Variants in ATP13A4 observed in about 807,000 individuals in gnomAD.
ATP13A4 encodes probable cation-transporting ATPase 13A4.
ATP13A4 carries 114 observed loss-of-function variants against 142.5 expected under a neutral mutation model. The observed-to-expected ratio is 0.80, with a 90% CI of 0.69 to 0.93. ATP13A4 has a LOEUF of 0.93. Ranked by LOEUF, ATP13A4 falls within the 40% of genes least tolerant of loss-of-function variation. The probability of loss-of-function intolerance (pLI) is 0.00; values close to 1 mark genes in which losing one functional copy is unlikely to be tolerated. For synonymous variants in ATP13A4, 488 were observed against 514.8 expected, an observed-to-expected ratio of 0.95 and a Z score of 0.70; for missense variants, 1,392 against 1,454.0, an observed-to-expected ratio of 0.96 and a Z score of 0.69.
intron 8 of ATP13A4, among the ~76,000 whole-genome samples, chr3:193,473,343 A>T (rs553935800): frequency 6.6e-6 from 1 of 152,358 alleles, no homozygotes; most frequent in South Asian, 2.1e-4. Flanking sequence ...CAGTAAATGA[A>T]TAAATAAATA....
intron 1 of ATP13A4, among the ~76,000 whole-genome samples, chr3:193,587,746 T>C (rs918295477): frequency 4.4e-4 from 67 of 152,216 alleles, no homozygotes; most frequent in African/African-American, 1.6e-3. Flanking sequence ...TTCTTGTTCT[T>C]GCATTATTGC....
chr3:193,403,441 T>C (rs1714346351), intron 29 of ATP13A4, among the ~76,000 whole-genome samples: 1 of 152,182 alleles, frequency 6.6e-6, no homozygotes, highest in Non-Finnish European at 1.5e-5. Context: ...GTGATTAGAA[T>C]AATCCCTTCC....
In ATP13A4 at chr3:193,484,853, T is replaced by C. The variant is rs938575966; in HGVS notation, c.739-848A>G. Reference sequence around the variant, plus strand: ...TAGGTTTTAATCAAGTAACTACATATATAAATGTATAATGACAATCAGGAA... The same window carrying C: ...TAGGTTTTAATCAAGTAACTACATACATAAATGTATAATGACAATCAGGAA... On this transcript the variant is annotated intron_variant, in intron 7 of 29. Transcript: ENST00000342695. 5.3e-5 allele frequency among the ~76,000 whole-genome samples: 8 copies of C among 152,164 alleles called. No individual in the cohort carries two copies. In the South Asian group the frequency reaches 6.2e-4, roughly 12 times the overall value.
chr3:193,585,986 G>A (rs967070812), intron 1 of ATP13A4, among the ~76,000 whole-genome samples: 4 of 151,838 alleles, frequency 2.6e-5, no homozygotes, highest in Non-Finnish European at 4.4e-5. Context: ...CCACATCCTC[G>A]ACAAAATTTT....
At chr3:193,525,676 T>G (rs1721958284) in intron 1 of ATP13A4, among the ~76,000 whole-genome samples, 1 of 152,178 alleles carries the variant, frequency 6.6e-6, no homozygotes, top group African/African-American at 2.4e-5. Context: ...GACACTGGGT[T>G]GAAGCCCAGA....
rs75093317 is a variant in ATP13A4, at chr3:193,401,920, G to A, written c.*732C>T. ...GGGTGAGGCAGTGAAGAGCCCACAC[G>A]TGATCTCCAGTCTATTCCTTCCCCC... On this transcript the variant is annotated 3_prime_UTR_variant, in exon 30 of 30. Coordinates refer to ENST00000342695, the MANE Select transcript of ATP13A4 (RefSeq NM_032279.4). 3.3e-5 allele frequency among the ~76,000 whole-genome samples: 5 copies of A among 152,108 alleles called. No individual in the cohort carries two copies. The highest frequency in any genetic ancestry group is 1.9e-4 in the East Asian group (1 of 5,148).
chr3:193,590,242 G>A (rs553544199), intron 1 of ATP13A4, among the ~76,000 whole-genome samples: 1 of 152,308 alleles, frequency 6.6e-6, no homozygotes, highest in South Asian at 2.1e-4. Flanking sequence ...GCAAGGGGTA[G>A]GGAATGGATG....
chr3:193,462,269 T>C (rs540892074), intron 13 of ATP13A4, among the ~76,000 whole-genome samples: 5 of 148,536 alleles, frequency 3.4e-5, no homozygotes, highest in East Asian at 2.0e-4. Context: ...AGCCAGAAAG[T>C]AGAGTTCTCA....
chr3:193,465,057 A>G lies in ATP13A4; in HGVS notation c.1344T>C (p.Ala448=). The change falls in exon 12 of 30, where the codon GCT becomes GCC. Residue 448 remains alanine (A), a synonymous_variant. Coordinates refer to ENST00000342695, the MANE Select transcript of ATP13A4 (RefSeq NM_032279.4). ...CATAGATAATGCCTGTGGTCAGAGC[A>G]GCAGGTAGAGCCGGAGGAACCGCAA... ...ITIAVPPALP[A]ALTTGIIYAQ... is the part of the protein sequence containing the mutation. 3.1e-6 allele frequency: 5 copies of G among 1,614,160 alleles called. No individual in the cohort carries two copies. Among genetic ancestry groups the G allele is most frequent in the Non-Finnish European group, 4.2e-6 (5 of 1,180,012 alleles).
At chr3:193,555,961 CAT>C (rs1723870587), upstream of ATP13A4, among the ~76,000 whole-genome samples, 1 of 152,150 alleles carries the variant, frequency 6.6e-6, no homozygotes, top group Non-Finnish European at 1.5e-5. Flanking sequence ...TGTGAAAGTA[CAT>C]TGTACAGCAC....
chr3:193,531,388 G>A (rs995256413), intron 1 of ATP13A4, among the ~76,000 whole-genome samples: 2 of 144,818 alleles, frequency 1.4e-5, no homozygotes, highest in Non-Finnish European at 3.1e-5. Flanking sequence ...GAAGGAGGAG[G>A]TAGGGAGGGA....
At chr3:193,551,445 T>C (rs1723558488) in intron 1 of ATP13A4, among the ~76,000 whole-genome samples, 1 of 152,152 alleles carries the variant, frequency 6.6e-6, no homozygotes, top group Non-Finnish European at 1.5e-5. Context: ...ATATTCCTTT[T>C]GGTATAACTG....
At chr3:193,572,016 G>T (rs1724276721) in intron 2 of ATP13A4, among the ~76,000 whole-genome samples, 1 of 152,138 alleles carries the variant, frequency 6.6e-6, no homozygotes, top group Non-Finnish European at 1.5e-5. Flanking sequence ...AGCCGCCCAA[G>T]CAGGCAGATG....
intron 13 of ATP13A4, among the ~76,000 whole-genome samples, chr3:193,461,298 C>T (rs982045846): frequency 3.9e-5 from 6 of 152,114 alleles, no homozygotes; most frequent in Non-Finnish European, 7.3e-5. Context: ...TACTGTGCAC[C>T]TACTATTTGT....
At chr3:193,443,281 C>T (rs1382851181) in intron 18 of ATP13A4, among the ~76,000 whole-genome samples, 1 of 152,116 alleles carries the variant, frequency 6.6e-6, no homozygotes, top group East Asian at 1.9e-4. Context: ...TACGTAAGTC[C>T]CAAGTTCAGC....
At chr3:193,419,447 T>C (rs938663297) in intron 25 of ATP13A4, among the ~76,000 whole-genome samples, 1 of 149,576 alleles carries the variant, frequency 6.7e-6, no homozygotes, top group Non-Finnish European at 1.5e-5. Flanking sequence ...TCTGGGAAAA[T>C]GGTACTTTGG....
intron 1 of ATP13A4, 87 bp from the exon 2 acceptor site, chr3:193,514,958 G>C (rs1048688913): frequency 1.4e-6 from 2 of 1,460,796 alleles, no homozygotes; most frequent in African/African-American, 1.4e-5. Flanking sequence ...ATGGAAATGG[G>C]GGCAGAGTGA....
upstream of ATP13A4, among the ~76,000 whole-genome samples, chr3:193,556,139 T>TC (rs1723878893): frequency 2.6e-5 from 4 of 152,172 alleles, no homozygotes; most frequent in African/African-American, 7.2e-5. Flanking sequence ...TTATACAAAC[T>TC]CCATTCTCCT....
rs546690816 is a variant in ATP13A4 at position 193,418,005 on chromosome 3, C to T, written c.2843-3255G>A. Among the ~76,000 whole-genome samples, 452 of 143,718 alleles carry T rather than the reference C, an allele frequency of 3.1e-3. 20 individuals are homozygous for T. The highest frequency in any genetic ancestry group is 0.011 in the African/African-American group (439 of 38,778). 94.3% of individuals were successfully genotyped at this position (143,718 alleles called of 152,430 possible). A position where few individuals can be genotyped will look rare whatever the true frequency, so the allele number is the denominator to read the frequency against. On this transcript the variant is annotated intron_variant, in intron 25 of 29. Coordinates refer to ENST00000342695, the MANE Select transcript of ATP13A4 (RefSeq NM_032279.4). ...GGCGTAGTGGCGGGCGCCTGTAGTCCCAGCTACTTGGGAGGCTGAGGCAGG... is the reference window on the plus strand; with the variant it reads ...GGCGTAGTGGCGGGCGCCTGTAGTCTCAGCTACTTGGGAGGCTGAGGCAGG...
Sources: gnomAD v4.1 joint callset for allele counts (sites outside exome capture counted in the v4.1 genomes callset) on GRCh38, gnomAD v4.1.1 for gene constraint, MANE v1.5 for transcripts, NCBI Gene and HGNC (gene_info 2026-07-23, HGNC 2026-07-21) for gene names.